Variants in SLC66A1 observed in about 807,000 individuals in gnomAD.
The protein encoded by SLC66A1 is solute carrier family 66 member 1, also known as lysosomal amino acid transporter 1 homolog.
A neutral mutation model predicts 33.0 loss-of-function variants in SLC66A1; 23 were observed. The ratio of observed to expected loss-of-function variants is 0.70; its 90% CI spans 0.50 to 0.99. SLC66A1 has a LOEUF of 0.99. Among genes scored for constraint, SLC66A1 ranks in the 50% least tolerant of loss-of-function variants. SLC66A1 has a pLI of 0.00. For missense variants in SLC66A1, 335 were observed against 383.6 expected, an observed-to-expected ratio of 0.87 and a Z score of 1.06; for synonymous variants, 164 against 175.5, an observed-to-expected ratio of 0.93 and a Z score of 0.52.
At position 19,328,181 on chromosome 1, in the gene SLC66A1, T is replaced by C. The variant is rs2093879509; in HGVS notation, c.805-391T>C. The C allele has an allele frequency of 6.0e-6, 2 of 335,078 alleles. No homozygotes were observed. The highest frequency in any genetic ancestry group is 8.0e-5 in the East Asian group (1 of 12,552). The allele number at this position is 335,078 out of a possible 1,614,324, so 20.8% of individuals were successfully genotyped here. A position where few individuals can be genotyped will look rare whatever the true frequency, so the allele number is the denominator to read the frequency against. On this transcript the variant is annotated intron_variant, in intron 7 of 7. Coordinates refer to ENST00000375153, the MANE Select transcript of SLC66A1 (RefSeq NM_001040125.2). This position sits in a 1 kb window ranked among gnomAD's most constrained non-coding sequence, Gnocchi z 4.7. ...AGTAAACATGGCCTTTGTTTTAATATTTGTTAAGTCCCTGCCGGGCGCAGG... is the reference window on the plus strand; with the variant it reads ...AGTAAACATGGCCTTTGTTTTAATACTTGTTAAGTCCCTGCCGGGCGCAGG...
intron 2 of SLC66A1, among the ~76,000 whole-genome samples, chr1:19,323,673 T>C (rs894451591): frequency 1.5e-4 from 23 of 149,472 alleles, no homozygotes; most frequent in Non-Finnish European, 3.4e-4. Flanking sequence ...TCCCAAAGTG[T>C]TGGGATTGCA....
At chr1:19,325,646 G>GGGGGGGC in intron 4 of SLC66A1, 64 bp downstream of exon 4, 1 of 1,272,034 alleles carries the variant, frequency 7.9e-7, no homozygotes, top group Non-Finnish European at 1.1e-6. Flanking sequence ...TGTGGGGGGG[G>GGGGGGGC]GCGCCTGGAG....
chr1:19,317,642 C>T lies in SLC66A1; in HGVS notation c.-36C>T. 1 of 1,609,178 alleles carries T rather than the reference C, an allele frequency of 6.2e-7. No individual in the cohort carries two copies. Among genetic ancestry groups the T allele is most frequent in the South Asian group, 1.1e-5 (1 of 90,406 alleles). On this transcript the variant is annotated 5_prime_UTR_variant, in exon 2 of 8. Coordinates refer to ENST00000375153, the MANE Select transcript of SLC66A1 (RefSeq NM_001040125.2). ...GAACACCAGCGCCCTCCCTCCGGTG[C>T]AGCCCTGCCTGGCCGGGGGCCCCTC...
Position 19,328,424 on chromosome 1 carries a change from C to A in SLC66A1, c.805-148C>A. 1.4e-6 allele frequency: 1 copy of A among 722,776 alleles called. No homozygotes were observed. The highest frequency in any genetic ancestry group is 2.4e-6 in the Non-Finnish European group (1 of 415,544). The allele number at this position is 722,776 out of a possible 1,614,324, so 44.8% of individuals were successfully genotyped here. A position where few individuals can be genotyped will look rare whatever the true frequency, so the allele number is the denominator to read the frequency against. ...TGAGTGGAGGGCACAGCTAAGGTAG[C>A]GGCTGGGAGGTTATGGCTGGCCCTT... On this transcript the variant is annotated intron_variant, in intron 7 of 7. Transcript: ENST00000375153. The surrounding 1 kb of genome is among the most constrained non-coding windows in gnomAD (Gnocchi z 4.7).
chr1:19,331,302 G>A (rs1033650680), downstream of SLC66A1, among the ~76,000 whole-genome samples: 9 of 152,150 alleles, frequency 5.9e-5, no homozygotes, highest in Non-Finnish European at 1.2e-4. Context: ...GTGCCACCGC[G>A]CCCGGCCAAG....
At chr1:19,315,133 TC>T (rs1268619612) in intron 1 of SLC66A1, among the ~76,000 whole-genome samples, 2 of 152,188 alleles carry the variant, frequency 1.3e-5, no homozygotes, top group Non-Finnish European at 2.9e-5. Context: ...GTTCTCCAGC[TC>T]CTGAGCTCAA....
chr1:19,317,521 G>A (rs2093812166), intron 1 of SLC66A1, 79 bp from the exon 2 acceptor site: 1 of 1,423,420 alleles, frequency 7.0e-7, no homozygotes, highest in Admixed American at 2.8e-5. Context: ...GAAAAGGCTG[G>A]GATGAGCTTA....
intron 1 of SLC66A1, among the ~76,000 whole-genome samples, chr1:19,314,375 G>T (rs962031044): frequency 6.6e-6 from 1 of 152,182 alleles, no homozygotes; most frequent in Non-Finnish European, 1.5e-5. Flanking sequence ...TAGGGAAAGG[G>T]GGAAGTGAGA....
intron 3 of SLC66A1, 96 bp downstream of exon 3, chr1:19,324,858 C>A: frequency 6.8e-7 from 1 of 1,462,210 alleles, no homozygotes; most frequent in South Asian, 1.3e-5. Context: ...CCCGCCTGGT[C>A]TCCAGAACCC....
downstream of SLC66A1, among the ~76,000 whole-genome samples, chr1:19,333,683 G>A (rs557814533): frequency 4.6e-5 from 7 of 152,236 alleles, no homozygotes; most frequent in African/African-American, 1.2e-4. This position sits in a 1 kb window ranked among gnomAD's most constrained non-coding sequence, Gnocchi z 4.2. Flanking sequence ...CAGGTGAGGC[G>A]ACTCATGCCT....
intron 2 of SLC66A1, among the ~76,000 whole-genome samples, chr1:19,322,023 C>T (rs1423571163): frequency 3.9e-5 from 6 of 152,162 alleles, no homozygotes; most frequent in Admixed American, 3.9e-4. Context: ...CTGTCCTTGC[C>T]TTTGGAGAGC....
intron 1 of SLC66A1, among the ~76,000 whole-genome samples, chr1:19,313,913 C>T (rs1234219210): frequency 6.6e-6 from 1 of 152,164 alleles, no homozygotes; most frequent in Non-Finnish European, 1.5e-5. Context: ...TCTCAAAGTG[C>T]ACTAGATGGA....
At chr1:19,320,550 A>T (rs1256121391) in intron 2 of SLC66A1, among the ~76,000 whole-genome samples, 5 of 150,378 alleles carry the variant, frequency 3.3e-5, no homozygotes, top group Non-Finnish European at 7.4e-5. Flanking sequence ...AGTAGCTGGG[A>T]CTACAGGCAC....
At chr1:19,329,965 C>T (rs1569816618), downstream of SLC66A1, among the ~76,000 whole-genome samples, 1 of 151,896 alleles carries the variant, frequency 6.6e-6, no homozygotes, top group East Asian at 1.9e-4. Flanking sequence ...GACCCGCAAA[C>T]TCAGTGTTGT....
At chr1:19,332,500 T>C (rs1445348299), downstream of SLC66A1, among the ~76,000 whole-genome samples, 2 of 152,168 alleles carry the variant, frequency 1.3e-5, no homozygotes, top group African/African-American at 4.8e-5. Flanking sequence ...CCGGGTGCAG[T>C]GGTTCACGCC....
downstream of SLC66A1, among the ~76,000 whole-genome samples, chr1:19,332,813 GAA>G (rs1381575884): frequency 1.3e-5 from 2 of 152,136 alleles, no homozygotes; most frequent in East Asian, 3.9e-4. Flanking sequence ...GGCCTGAAGG[GAA>G]AAGTGTGGAC....
In SLC66A1 at chr1:19,318,950, G is replaced by A. The variant is rs142621447; in HGVS notation, c.164+1109G>A. ...GAAGCAGCAGATGTACAGAGAAGGG[G>A]CAGCTGCGTTTATATAGTGGACAGA... On this transcript the variant is annotated intron_variant, in intron 2 of 7. Coordinates refer to ENST00000375153, the MANE Select transcript of SLC66A1 (RefSeq NM_001040125.2). Among the ~76,000 whole-genome samples the A allele has an allele frequency of 4.7e-4, 71 of 152,310 alleles. No individual in the cohort carries two copies. In the East Asian group the frequency reaches 0.013, roughly 29 times the overall value.
chr1:19,331,614 C>T (rs565043653), downstream of SLC66A1, among the ~76,000 whole-genome samples: 1 of 152,192 alleles, frequency 6.6e-6, no homozygotes, highest in African/African-American at 2.4e-5. Flanking sequence ...GGATAAGTTA[C>T]CCCCAGGCCC....
Position 19,329,108 on chromosome 1 carries a change from T to A in SLC66A1, c.*465T>A, listed in dbSNP as rs2093885074. On this transcript the variant is annotated 3_prime_UTR_variant, in exon 8 of 8. Transcript: ENST00000375153. ...CCCATCTCTACTAAAAATACAAAAA[T>A]TAGCCAGGTGTGGTGGCACACATCT... The A allele has an allele frequency of 6.0e-6, 1 of 168,034 alleles. No homozygotes were observed. The highest frequency in any genetic ancestry group is 2.4e-5 in the African/African-American group (1 of 41,564). The allele number at this position is 168,034 out of a possible 1,614,324, so 10.4% of individuals were successfully genotyped here.
Sources: gnomAD v4.1 joint callset for allele counts (sites outside exome capture counted in the v4.1 genomes callset) on GRCh38, gnomAD v4.1.1 for gene constraint, Gnocchi (gnomAD v3.1) non-coding constraint, MANE v1.5 for transcripts, NCBI Gene and HGNC (gene_info 2026-07-23, HGNC 2026-07-21) for gene names.